Variants in SSBP3 observed in about 807,000 individuals in gnomAD.
SSBP3 encodes single-stranded DNA-binding protein 3.
Under a neutral mutation model 69.6 loss-of-function variants are expected in SSBP3, and 5 were observed. The ratio of observed to expected loss-of-function variants is 0.07; its 90% CI spans 0.04 to 0.15. The LOEUF (loss-of-function observed/expected upper bound fraction) is 0.15. Among genes scored for constraint, SSBP3 ranks in the 10% least tolerant of loss-of-function variants. The pLI, the probability that SSBP3 is intolerant of heterozygous loss-of-function variation, is 1.00. For synonymous variants in SSBP3, 196 were observed against 193.4 expected (o/e 1.01, Z -0.11); for missense variants, 312 against 534.0 (o/e 0.58, Z 4.10).
At chr1:54,395,917 G>C (rs1490895750) in intron 4 of SSBP3, among the ~76,000 whole-genome samples, 1 of 152,176 alleles carries the variant, frequency 6.6e-6, no homozygotes, top group Non-Finnish European at 1.5e-5. Context: ...TACCGGCCAG[G>C]CGCGGTGGCT....
At chr1:54,306,955 T>C (rs1286121106) in intron 4 of SSBP3, among the ~76,000 whole-genome samples, 1 of 152,196 alleles carries the variant, frequency 6.6e-6, no homozygotes, top group African/African-American at 2.4e-5. Flanking sequence ...CAACTACTGC[T>C]TACCTTGACT....
chr1:54,384,414 GC>G (rs1397506232), intron 4 of SSBP3, among the ~76,000 whole-genome samples: 19 of 152,228 alleles, frequency 1.2e-4, no homozygotes, highest in African/African-American at 4.3e-4. Context: ...GAGGTGGGCA[GC>G]CTCCTGATCC....
At chr1:54,239,914 C>T (rs1253766689) in intron 13 of SSBP3, among the ~76,000 whole-genome samples, 18 of 152,116 alleles carry the variant, frequency 1.2e-4, no homozygotes, top group Admixed American at 9.8e-4. Flanking sequence ...CAGGAGCAGG[C>T]GCTGTAATTC....
intron 4 of SSBP3, among the ~76,000 whole-genome samples, chr1:54,377,246 A>C (rs1312495040): frequency 6.6e-6 from 1 of 152,114 alleles, no homozygotes; most frequent in East Asian, 1.9e-4. Context: ...ACTGAAACCC[A>C]CGGTGCTCCT....
chr1:54,336,315 G>A (rs1646507006), intron 4 of SSBP3, among the ~76,000 whole-genome samples: 1 of 152,178 alleles, frequency 6.6e-6, no homozygotes, highest in African/African-American at 2.4e-5. Context: ...CACGTTGGGG[G>A]ACTCACCGGA....
chr1:54,315,756 A>C (rs1646085215), intron 4 of SSBP3, among the ~76,000 whole-genome samples: 1 of 152,048 alleles, frequency 6.6e-6, no homozygotes, highest in African/African-American at 2.4e-5. Context: ...CAAACCCCCA[A>C]GCTCAAGCAA....
At chr1:54,384,631 C>G (rs1416916649) in intron 4 of SSBP3, among the ~76,000 whole-genome samples, 1 of 152,226 alleles carries the variant, frequency 6.6e-6, no homozygotes, top group Admixed American at 6.5e-5. Context: ...GTGCTCCAAG[C>G]TGGGAGAACA....
At chr1:54,394,340 T>G (rs760433874) in intron 4 of SSBP3, among the ~76,000 whole-genome samples, 41 of 152,194 alleles carry the variant, frequency 2.7e-4, no homozygotes, top group Non-Finnish European at 4.9e-4. Context: ...AAATATATAT[T>G]TCGTTACAAC....
chr1:54,316,666 AAATAAATAAATAAAT>A (rs1646112440), intron 4 of SSBP3, among the ~76,000 whole-genome samples: 4 of 15,974 alleles, frequency 2.5e-4, no homozygotes, highest in African/African-American at 3.2e-4. Flanking sequence ...AAAATAAAAT[AAATAAATAAATAAAT>A]AAATAAATAA....
intron 4 of SSBP3, among the ~76,000 whole-genome samples, chr1:54,289,764 A>G (rs553195418): frequency 3.3e-5 from 5 of 152,102 alleles, no homozygotes; most frequent in Admixed American, 6.5e-5. Context: ...GCCTTTCCTT[A>G]GAGAGCAAAT....
At chr1:54,354,550 C>T (rs954374008) in intron 4 of SSBP3, among the ~76,000 whole-genome samples, 1 of 152,078 alleles carries the variant, frequency 6.6e-6, no homozygotes, top group Non-Finnish European at 1.5e-5. Flanking sequence ...AACGTGGGAG[C>T]AAGGAACTTC....
chr1:54,234,235 G>C (rs1238167741), intron 14 of SSBP3, among the ~76,000 whole-genome samples: 1 of 149,558 alleles, frequency 6.7e-6, no homozygotes, highest in East Asian at 1.9e-4. Context: ...CCTCTGCCTA[G>C]GAAAACCAGA....
intron 9 of SSBP3, among the ~76,000 whole-genome samples, chr1:54,246,563 C>T (rs781170451): frequency 6.6e-5 from 10 of 152,162 alleles, no homozygotes; most frequent in Admixed American, 2.6e-4. Context: ...ACATGCAGTA[C>T]GCAGCGCTGA....
At chr1:54,390,455 C>T (rs923603108) in intron 4 of SSBP3, among the ~76,000 whole-genome samples, 3 of 152,098 alleles carry the variant, frequency 2.0e-5, no homozygotes, top group East Asian at 1.9e-4. Context: ...AAGTATGTGG[C>T]GACAGTCAAC....
intron 4 of SSBP3, among the ~76,000 whole-genome samples, chr1:54,325,593 AG>A: frequency 6.6e-6 from 1 of 152,336 alleles, no homozygotes; most frequent in Non-Finnish European, 1.5e-5. Context: ...ATTCTGTATC[AG>A]ATTACGACAC....
intron 4 of SSBP3, among the ~76,000 whole-genome samples, chr1:54,296,145 T>C (rs1467946770): frequency 1.3e-5 from 2 of 152,234 alleles, no homozygotes; most frequent in Non-Finnish European, 2.9e-5. Flanking sequence ...GATGTAACTT[T>C]AAGGAACAGA....
At chr1:54,330,518 G>A (rs377095202) in intron 4 of SSBP3, among the ~76,000 whole-genome samples, 1 of 152,158 alleles carries the variant, frequency 6.6e-6, no homozygotes, top group Non-Finnish European at 1.5e-5. Flanking sequence ...GTCCCTGGGG[G>A]CAAACCAGAG....
At chr1:54,411,658 C>T (rs1570092836) in intron 1 of SSBP3, among the ~76,000 whole-genome samples, 1 of 151,924 alleles carries the variant, frequency 6.6e-6, no homozygotes, top group East Asian at 1.9e-4. Flanking sequence ...TTGTGGAGGC[C>T]GAGGCAGGCA....
At chr1:54,407,507 G>A (rs965849991), upstream of SSBP3, among the ~76,000 whole-genome samples, 1 of 152,034 alleles carries the variant, frequency 6.6e-6, no homozygotes, top group Non-Finnish European at 1.5e-5. Flanking sequence ...TGCCCACGCC[G>A]AGAACCCAGA....
Sources: gnomAD v4.1 joint callset for allele counts (sites outside exome capture counted in the v4.1 genomes callset) on GRCh38, gnomAD v4.1.1 for gene constraint, MANE v1.5 for transcripts, NCBI Gene and HGNC (gene_info 2026-07-23, HGNC 2026-07-21) for gene names.